The following PHYHIPL variants were observed in gnomAD, a reference collection of about 807,000 sequenced individuals.
The protein encoded by PHYHIPL is phytanoyl-CoA 2-hydroxylase interacting protein like.
A neutral mutation model predicts 33.4 loss-of-function variants in PHYHIPL; 9 were observed. That is an observed-to-expected ratio of 0.27 (90% CI 0.16 to 0.47). PHYHIPL has a LOEUF of 0.47. PHYHIPL is among the 20% of genes least tolerant of loss of function. PHYHIPL has a pLI of 0.99. For missense variants in PHYHIPL, 365 were observed against 460.7 expected (o/e 0.79, Z 1.90); for synonymous variants, 153 against 154.1 (o/e 0.99, Z 0.05).
At chr10:59,177,633 G>C in intron 1 of PHYHIPL, 1 of 1,551,478 alleles carries the variant, frequency 6.4e-7, no homozygotes, top group Non-Finnish European at 8.7e-7. Context: ...GTACCATTGC[G>C]TGTTGATATT....
chr10:59,211,268 C>G (rs1281820818), intron 1 of PHYHIPL, among the ~76,000 whole-genome samples: 1 of 152,002 alleles, frequency 6.6e-6, no homozygotes, highest in Non-Finnish European at 1.5e-5. Context: ...GTCCTAGCCA[C>G]TCAGGAGATG....
intron 1 of PHYHIPL, among the ~76,000 whole-genome samples, chr10:59,184,641 A>AT (rs888373932): frequency 2.7e-5 from 4 of 150,312 alleles, no homozygotes; most frequent in African/African-American, 4.9e-5. Context: ...TTTTTTTTTA[A>AT]TTTTTTTTAT....
intron 1 of PHYHIPL, among the ~76,000 whole-genome samples, chr10:59,203,256 G>A (rs2133222525): frequency 6.6e-6 from 1 of 152,284 alleles, no homozygotes; most frequent in East Asian, 1.9e-4. Flanking sequence ...TCATTAAAAA[G>A]CCAGGAAACA....
At chr10:59,204,032 C>T (rs1021519317) in intron 1 of PHYHIPL, among the ~76,000 whole-genome samples, 9 of 152,038 alleles carry the variant, frequency 5.9e-5, no homozygotes, top group African/African-American at 1.2e-4. Context: ...CATGTTGTTA[C>T]GGGAATTTAC....
At chr10:59,218,675 TTGAGTGA>T (rs780621247) in intron 1 of PHYHIPL, among the ~76,000 whole-genome samples, 10,813 of 148,532 alleles carry the variant, frequency 0.073, 896 homozygotes, top group South Asian at 0.15. Flanking sequence ...AAAAACATTT[TTGAGTGA>T]TCTTGGTCTG....
At position 59,192,053 on chromosome 10, in the gene PHYHIPL, C is replaced by T. The variant is rs146777248; in HGVS notation, c.106+15094C>T. 4.8e-3 allele frequency among the ~76,000 whole-genome samples: 726 copies of T among 152,080 alleles called. 4 individuals carry two copies. Among genetic ancestry groups the T allele is most frequent in the African/African-American group, 0.017 (698 of 41,508 alleles). On this transcript the variant is annotated intron_variant, in intron 1 of 4. Coordinates refer to ENST00000373880, the MANE Select transcript of PHYHIPL (RefSeq NM_032439.4). ...ATGTCTTTGTAAAACTTTACTTGAG[C>T]GTATACTTGCTGGCTTGAATTTAAA...
intron 1 of PHYHIPL, among the ~76,000 whole-genome samples, chr10:59,223,538 G>T (rs919167621): frequency 6.6e-6 from 1 of 152,026 alleles, no homozygotes; most frequent in African/African-American, 2.4e-5. Flanking sequence ...AATTGTAGTG[G>T]TCTTAAATCT....
At chr10:59,177,469 G>C (rs1838285514) in intron 1 of PHYHIPL, 1 of 1,544,862 alleles carries the variant, frequency 6.5e-7, no homozygotes, top group Non-Finnish European at 8.7e-7. Flanking sequence ...CTTGGATTGG[G>C]ATTAGGATGA....
chr10:59,182,185 C>T (rs934859005), intron 1 of PHYHIPL, among the ~76,000 whole-genome samples: 2 of 152,130 alleles, frequency 1.3e-5, no homozygotes, highest in East Asian at 1.9e-4. Flanking sequence ...TTAGTAAATG[C>T]ATAATATAAG....
chr10:59,214,529 T>C (rs770567598), intron 1 of PHYHIPL, among the ~76,000 whole-genome samples: 24 of 152,174 alleles, frequency 1.6e-4, no homozygotes, highest in Non-Finnish European at 2.6e-4. Context: ...TGGTGTTATT[T>C]TGAGTCTGTT....
At chr10:59,225,801 T>C (rs1839907118) in intron 1 of PHYHIPL, among the ~76,000 whole-genome samples, 1 of 152,144 alleles carries the variant, frequency 6.6e-6, no homozygotes, top group Non-Finnish European at 1.5e-5. Context: ...AATAGCATCC[T>C]CTTGTAGGAA....
At chr10:59,239,416 T>A (rs1840323831) in intron 4 of PHYHIPL, among the ~76,000 whole-genome samples, 4 of 151,908 alleles carry the variant, frequency 2.6e-5, no homozygotes, top group Admixed American at 2.6e-4. Flanking sequence ...CAGGAAAGAT[T>A]TCCCCCTCCC....
intron 1 of PHYHIPL, among the ~76,000 whole-genome samples, chr10:59,197,447 G>T (rs1187699186): frequency 6.6e-6 from 1 of 152,080 alleles, no homozygotes; most frequent in Non-Finnish European, 1.5e-5. Flanking sequence ...ATTTGGTTTT[G>T]GCATCTGTTA....
intron 1 of PHYHIPL, among the ~76,000 whole-genome samples, chr10:59,184,822 C>G (rs1304192856): frequency 6.7e-6 from 1 of 149,944 alleles, no homozygotes; most frequent in Admixed American, 6.7e-5. Context: ...ACAACAGACC[C>G]AGGTGTGTGA....
chr10:59,198,082 C>G (rs1222967616), intron 1 of PHYHIPL, among the ~76,000 whole-genome samples: 1 of 151,932 alleles, frequency 6.6e-6, no homozygotes, highest in African/African-American at 2.4e-5. Flanking sequence ...ACTTTAAGTT[C>G]TAGGGTACAC....
At chr10:59,205,074 C>T (rs1839249403) in intron 1 of PHYHIPL, among the ~76,000 whole-genome samples, 2 of 152,152 alleles carry the variant, frequency 1.3e-5, no homozygotes, top group East Asian at 1.9e-4. Context: ...AGGTTGGCCT[C>T]GAACTCCTGA....
chr10:59,231,569 A>G (rs1242212381), intron 1 of PHYHIPL, among the ~76,000 whole-genome samples: 1 of 152,144 alleles, frequency 6.6e-6, no homozygotes, highest in Non-Finnish European at 1.5e-5. Flanking sequence ...AAGCACTCAC[A>G]TTTAAAAGCA....
At position 59,238,645 on chromosome 10, in the gene PHYHIPL, G is replaced by A. The variant is rs1430293756; in HGVS notation, c.536G>A (p.Arg179His). 8 of 1,610,560 alleles carry A rather than the reference G, an allele frequency of 5.0e-6. No homozygotes were observed. Among genetic ancestry groups the A allele is most frequent in the South Asian group, 1.1e-5 (1 of 90,938 alleles). ...GAGAAGGCTGAAGTGATTGCAGGAC[G>A]CATGCTTAAGTTTTCTGTTTTTTAT... ...LLEKAEVIAG[R>H]MLKFSVFYRN... Residue 179 changes from arginine (R) to histidine (H), a missense_variant, in exon 4 of 5, where the codon CGC (arginine) becomes CAC (histidine). By Grantham distance (29) the Arg-to-His change is conservative (BLOSUM62 0). Around this residue, in one of 4 missense-constraint regions of PHYHIPL, gnomAD observed 196 missense variants for 224.9 expected, o/e 0.87. Transcript: ENST00000373880.
At chr10:59,229,682 T>A (rs1005770616) in intron 1 of PHYHIPL, among the ~76,000 whole-genome samples, 9 of 149,742 alleles carry the variant, frequency 6.0e-5, no homozygotes, top group African/African-American at 1.7e-4. Flanking sequence ...ACAAAAAAAA[T>A]AAATAAATAA....
Sources: gnomAD v4.1 joint callset for allele counts (sites outside exome capture counted in the v4.1 genomes callset) on GRCh38, gnomAD v4.1.1 for gene constraint, gnomAD v4.1.1 regional missense constraint, MANE v1.5 for transcripts, NCBI Gene and HGNC (gene_info 2026-07-23, HGNC 2026-07-21) for gene names.